The following C1QTNF3 variants were observed in gnomAD, a reference collection of about 807,000 sequenced individuals.
C1QTNF3 encodes the protein C1q and TNF related 3.
Under a neutral mutation model 32.6 loss-of-function variants are expected in C1QTNF3, and 26 were observed. The observed-to-expected ratio is 0.80, with a 90% confidence interval of 0.58 to 1.11. C1QTNF3 has a LOEUF of 1.11. Ranked by LOEUF, C1QTNF3 falls within the 50% of genes least tolerant of loss-of-function variation. The pLI is 0.00. For missense variants in C1QTNF3, 362 were observed against 398.2 expected, an observed-to-expected ratio of 0.91 and a Z score of 0.77; for synonymous variants, 155 against 146.0, an observed-to-expected ratio of 1.06 and a Z score of -0.44.
the C1QTNF3 span, among the ~76,000 whole-genome samples, chr5:34,188,857 AATT>A: frequency 6.6e-6 from 1 of 152,154 alleles, no homozygotes; most frequent in African/African-American, 2.4e-5. Context: ...GCCGGGGAAG[AATT>A]ATATGGTTTG....
the C1QTNF3 span, among the ~76,000 whole-genome samples, chr5:34,076,796 C>T: frequency 2.7e-4 from 41 of 151,668 alleles, no homozygotes; most frequent in South Asian, 8.3e-3. Flanking sequence ...CACTATGACA[C>T]ATCCCAATCA....
chr5:34,085,609 C>T, the C1QTNF3 span, among the ~76,000 whole-genome samples: 1 of 151,290 alleles, frequency 6.6e-6, no homozygotes, highest in African/African-American at 2.5e-5. Flanking sequence ...AGTTTTAACC[C>T]CATCAAAAAG....
Position 34,042,998 on chromosome 5 carries a change from C to CT in C1QTNF3, c.127dup (p.Ser43LysfsTer8), listed in dbSNP as rs1364889559. ...GCCGCTACGGCCAGTCTGCTGGTGG[C>CT]TTTGCACTATTCTTGCCACCACTTT... is the stretch of plus-strand genomic sequence containing the variant. On this transcript the variant is annotated frameshift_variant, in exon 1 of 6. Transcript: ENST00000382065. LOFTEE classifies it high-confidence loss of function. 1.2e-6 allele frequency: 2 copies of CT among 1,614,198 alleles called. No individual in the cohort carries two copies. Among genetic ancestry groups the CT allele is most frequent in the Non-Finnish European group, 1.7e-6 (2 of 1,180,036 alleles).
chr5:34,174,195 C>G, the C1QTNF3 span, among the ~76,000 whole-genome samples: 1 of 152,184 alleles, frequency 6.6e-6, no homozygotes, highest in African/African-American at 2.4e-5. Flanking sequence ...GTAACTGGGA[C>G]TACAGGTGCT....
chr5:34,119,804 C>T, the C1QTNF3 span, among the ~76,000 whole-genome samples: 2 of 152,164 alleles, frequency 1.3e-5, no homozygotes, highest in African/African-American at 4.8e-5. Context: ...ACTCCCTCTT[C>T]CATATTTTAG....
the C1QTNF3 span, among the ~76,000 whole-genome samples, chr5:34,140,901 T>A: frequency 6.6e-6 from 1 of 152,208 alleles, no homozygotes; most frequent in Admixed American, 6.5e-5. Context: ...GCTTGGGTCA[T>A]AATTACAATG....
intron 4 of C1QTNF3, among the ~76,000 whole-genome samples, chr5:34,025,394 A>G (rs1754435369): frequency 6.6e-6 from 1 of 152,222 alleles, no homozygotes; most frequent in South Asian, 2.1e-4. Context: ...AACATGTTAG[A>G]AAGAGGAGAC....
At chr5:34,090,201 T>G in the C1QTNF3 span, among the ~76,000 whole-genome samples, 5 of 149,604 alleles carry the variant, frequency 3.3e-5, no homozygotes, top group Non-Finnish European at 7.4e-5. Flanking sequence ...TCATAAAAAT[T>G]ATGTTAGTTA....
chr5:34,027,680 C>A (rs1359668735), intron 4 of C1QTNF3, among the ~76,000 whole-genome samples: 1 of 138,952 alleles, frequency 7.2e-6, no homozygotes, highest in Non-Finnish European at 1.5e-5. Context: ...GCACTCCAGG[C>A]TGGTTGATAG....
chr5:34,099,046 C>A, the C1QTNF3 span, among the ~76,000 whole-genome samples: 2 of 152,264 alleles, frequency 1.3e-5, no homozygotes, highest in African/African-American at 4.8e-5. Flanking sequence ...GAAATCCTGT[C>A]CATGTTTTCC....
chr5:34,052,092 C>T, the C1QTNF3 span, among the ~76,000 whole-genome samples: 24 of 152,192 alleles, frequency 1.6e-4, no homozygotes, highest in Middle Eastern at 3.4e-3. Flanking sequence ...GAGCCAAGTT[C>T]GCGCCACAGC....
the C1QTNF3 span, among the ~76,000 whole-genome samples, chr5:34,228,678 T>G: frequency 6.6e-6 from 1 of 151,880 alleles, no homozygotes; most frequent in Non-Finnish European, 1.5e-5. Flanking sequence ...ATATGAGATA[T>G]CGGTATCTGC....
intron 3 of C1QTNF3, among the ~76,000 whole-genome samples, chr5:34,030,505 T>C (rs1754585965): frequency 6.6e-6 from 1 of 152,228 alleles, no homozygotes; most frequent in African/African-American, 2.4e-5. Flanking sequence ...GGTAGTACTC[T>C]TCCTCCTCTT....
chr5:34,153,529 A>T, the C1QTNF3 span, among the ~76,000 whole-genome samples: 2 of 7,810 alleles, frequency 2.6e-4, no homozygotes, highest in African/African-American at 6.0e-4. Context: ...TGCAGCCATA[A>T]AAAATGATGA....
the C1QTNF3 span, among the ~76,000 whole-genome samples, chr5:34,145,678 C>CAAAAAAAAAAAAAAAAAAAAAAAAAAAA: frequency 2.1e-5 from 2 of 96,944 alleles, 1 homozygote; most frequent in Non-Finnish European, 4.1e-5. Context: ...AGAGACACAG[C>CAAAAAAAAAAAAAAAAAAAAAAAAAAAA]AAAAAAAAAA....
At chr5:34,061,120 C>A in the C1QTNF3 span, among the ~76,000 whole-genome samples, 50 of 152,072 alleles carry the variant, frequency 3.3e-4, no homozygotes, top group Non-Finnish European at 5.4e-4. Flanking sequence ...GGTTACAGGC[C>A]CCATGCAAGT....
chr5:34,088,219 A>G, the C1QTNF3 span, among the ~76,000 whole-genome samples: 1 of 152,104 alleles, frequency 6.6e-6, no homozygotes, highest in Non-Finnish European at 1.5e-5. Flanking sequence ...CCAGAATCTT[A>G]CCTACATAAT....
the C1QTNF3 span, among the ~76,000 whole-genome samples, chr5:34,156,285 G>A: frequency 6.6e-6 from 1 of 152,092 alleles, no homozygotes; most frequent in African/African-American, 2.4e-5. Context: ...TAGCCAGGCT[G>A]GTCTCAAGCT....
chr5:34,044,428 T>A (rs548528157), upstream of C1QTNF3, among the ~76,000 whole-genome samples: 24 of 152,244 alleles, frequency 1.6e-4, no homozygotes, highest in African/African-American at 5.8e-4. Context: ...GAGGAGGCAC[T>A]GTGGGAAACT....
Sources: allele counts gnomAD v4.1 joint callset (sites outside exome capture counted in the v4.1 genomes callset), GRCh38; gene constraint gnomAD v4.1.1; transcripts MANE v1.5; gene names NCBI Gene and HGNC (gene_info 2026-07-23, HGNC 2026-07-21).